PROS1: variants seen among roughly 807,000 people sequenced by gnomAD.
The protein encoded by PROS1 is vitamin K-dependent protein S.
In PROS1, 29 loss-of-function variants were observed where a neutral mutation model predicts 75.9. The ratio of observed to expected loss-of-function variants is 0.38; its 90% CI spans 0.28 to 0.52. The LOEUF is 0.52. PROS1 is among the 20% of genes least tolerant of loss of function. The pLI is 0.83. For synonymous variants in PROS1, 245 were observed against 280.6 expected, an observed-to-expected ratio of 0.87 and a Z score of 1.27; for missense variants, 680 against 810.3, an observed-to-expected ratio of 0.84 and a Z score of 1.95.
intron 1 of PROS1, among the ~76,000 whole-genome samples, chr3:93,940,346 T>G (rs1342793025): frequency 2.0e-5 from 3 of 152,114 alleles, no homozygotes; most frequent in Admixed American, 2.0e-4. Context: ...TTTGGGTAAC[T>G]CTTACATTGA....
chr3:93,924,415 T>G (rs573905320), intron 2 of PROS1, 151 bp from the exon 3 acceptor site: 1 of 388,414 alleles, frequency 2.6e-6, no homozygotes, highest in Admixed American at 4.9e-5. Flanking sequence ...TAGTAAAATA[T>G]ACCAAGAGAA....
chr3:93,880,301 C>T (rs142902020), intron 12 of PROS1, among the ~76,000 whole-genome samples: 263 of 152,030 alleles, frequency 1.7e-3, no homozygotes, highest in African/African-American at 6.0e-3. Flanking sequence ...GAGTTCGAGA[C>T]CAGCCTGGGC....
At chr3:93,909,455 AC>A (rs1328354038) in intron 4 of PROS1, among the ~76,000 whole-genome samples, 44 of 151,242 alleles carry the variant, frequency 2.9e-4, no homozygotes, top group African/African-American at 4.4e-4. Flanking sequence ...AAAAAAAAAA[AC>A]GTACAAGTAA....
At chr3:93,908,948 A>G (rs1445041201) in intron 4 of PROS1, among the ~76,000 whole-genome samples, 5 of 152,146 alleles carry the variant, frequency 3.3e-5, no homozygotes, top group Non-Finnish European at 5.9e-5. Context: ...CTGTTCTCCA[A>G]TGTTCAAAAC....
At chr3:93,882,221 TA>T (rs1249887650) in intron 12 of PROS1, among the ~76,000 whole-genome samples, 3 of 152,208 alleles carry the variant, frequency 2.0e-5, no homozygotes, top group Non-Finnish European at 4.4e-5. Flanking sequence ...ATTGAACCTC[TA>T]ATAATTATAT....
intron 1 of PROS1, among the ~76,000 whole-genome samples, chr3:93,930,922 T>C (rs1181833259): frequency 1.3e-5 from 2 of 152,212 alleles, no homozygotes; most frequent in African/African-American, 2.4e-5. Context: ...ATTGTCTCAA[T>C]TGTTGAGAGG....
chr3:93,889,290 C>T (rs5000737), intron 10 of PROS1, among the ~76,000 whole-genome samples: 13 of 152,182 alleles, frequency 8.5e-5, no homozygotes, highest in African/African-American at 2.4e-4. Context: ...ACCATTAGAA[C>T]GCAAGCTCCA....
intron 1 of PROS1, among the ~76,000 whole-genome samples, chr3:93,955,025 G>A (rs1238445072): frequency 3.9e-5 from 6 of 152,178 alleles, no homozygotes; most frequent in Admixed American, 1.3e-4. Flanking sequence ...ACCACAATGA[G>A]ATACCATCTC....
At chr3:93,910,016 C>T (rs1455787781) in intron 4 of PROS1, among the ~76,000 whole-genome samples, 1 of 152,082 alleles carries the variant, frequency 6.6e-6, no homozygotes, top group East Asian at 1.9e-4. Context: ...GAGAAAAACA[C>T]AGTTAAAAGA....
intron 6 of PROS1, among the ~76,000 whole-genome samples, chr3:93,902,969 C>A (rs1322693681): frequency 6.6e-6 from 1 of 151,922 alleles, no homozygotes; most frequent in African/African-American, 2.4e-5. Flanking sequence ...CGGGTTCACG[C>A]TATTCTCCTG....
In PROS1 at chr3:93,874,282, G is replaced by A. The variant is rs778685576; in HGVS notation, c.1994C>T (p.Ser665Leu). Residue 665 changes from serine to leucine, a missense_variant, in exon 15 of 15, where the codon TCA (serine) becomes TTA (leucine). Transcript: ENST00000394236. The stretch of plus-strand genomic sequence containing the variant: ...TGTCTTTTTCCAAACTGATGGACAT[G>A]AGTGAGCTCTAATATCATTATGTTT... ...ISKHNDIRAH[S>L]CPSVWKKTKN... 5.0e-6 allele frequency: 8 copies of A among 1,613,438 alleles called. No individual in the cohort carries two copies. The highest frequency in any genetic ancestry group is 6.8e-6 in the Non-Finnish European group (8 of 1,179,522).
intron 1 of PROS1, among the ~76,000 whole-genome samples, chr3:93,963,049 T>C (rs1045795902): frequency 6.6e-6 from 1 of 152,204 alleles, no homozygotes. Flanking sequence ...GATCCAATTG[T>C]GCTCAAATTT....
chr3:93,921,239 A>T (rs1388048521), intron 3 of PROS1, among the ~76,000 whole-genome samples: 3 of 152,172 alleles, frequency 2.0e-5, no homozygotes, highest in Admixed American at 6.5e-5. Flanking sequence ...CTTGATCATG[A>T]TATTATTTTT....
chr3:93,884,741 A>T lies in PROS1; in HGVS notation c.1479T>A (p.Phe493Leu), dbSNP rs1454230372. Reference protein sequence around the residue: ...SYYPGSGIAQFHIDYNNVSSA... With the variant: ...SYYPGSGIAQLHIDYNNVSSA... ...AAAATCACTTACTATAATCTATGTG[A>T]AATTGAGCAATTCCAGAACCAGGAT... Residue 493 changes from phenylalanine to leucine, a missense_variant, in exon 12 of 15, where the codon TTT (phenylalanine) becomes TTA (leucine). By Grantham distance (22) the Phe-to-Leu change is conservative (BLOSUM62 0). Coordinates refer to ENST00000394236, the MANE Select transcript of PROS1 (RefSeq NM_000313.4). 1.2e-6 allele frequency: 2 copies of T among 1,613,422 alleles called. No individual in the cohort carries two copies. The highest frequency in any genetic ancestry group is 1.7e-6 in the Non-Finnish European group (2 of 1,179,574).
chr3:93,874,833 CT>C (rs770000816), intron 14 of PROS1, among the ~76,000 whole-genome samples: 11 of 152,042 alleles, frequency 7.2e-5, no homozygotes, highest in Non-Finnish European at 1.0e-4. Flanking sequence ...CAATATATCT[CT>C]TTTATTATTG....
At chr3:93,891,792 G>A (rs1253948911) in intron 10 of PROS1, among the ~76,000 whole-genome samples, 2 of 152,084 alleles carry the variant, frequency 1.3e-5, no homozygotes, top group Non-Finnish European at 2.9e-5. Flanking sequence ...CGGTACAATG[G>A]CTCATGCCTG....
chr3:93,893,955 G>A (rs1356241424), intron 9 of PROS1, among the ~76,000 whole-genome samples: 1 of 152,104 alleles, frequency 6.6e-6, no homozygotes, highest in Non-Finnish European at 1.5e-5. Flanking sequence ...AATAACATGT[G>A]TTGATTCAGT....
intron 1 of PROS1, among the ~76,000 whole-genome samples, chr3:93,950,556 A>G (rs1184188345): frequency 3.9e-5 from 6 of 152,198 alleles, no homozygotes. Flanking sequence ...TCCACTGGTG[A>G]TACCCAGGAA....
At chr3:93,881,488 G>A (rs1247702953) in intron 12 of PROS1, among the ~76,000 whole-genome samples, 1 of 150,922 alleles carries the variant, frequency 6.6e-6, no homozygotes, top group Non-Finnish European at 1.5e-5. Flanking sequence ...ATATATGCAT[G>A]TAAGAAATCT....
Sources: gnomAD v4.1 joint callset for allele counts (sites outside exome capture counted in the v4.1 genomes callset) on GRCh38, gnomAD v4.1.1 for gene constraint, MANE v1.5 for transcripts, NCBI Gene and HGNC (gene_info 2026-07-23, HGNC 2026-07-21) for gene names.